The following NDST4 variants were observed in gnomAD, a reference collection of about 807,000 sequenced individuals.
The protein encoded by NDST4 is N-deacetylase and N-sulfotransferase 4, also known as N-heparan sulfate sulfotransferase 4.
A neutral mutation model predicts 100.8 loss-of-function variants in NDST4; 63 were observed. That is an observed-to-expected ratio of 0.62 (90% CI 0.51 to 0.77). The LOEUF is 0.77. NDST4 is among the 30% of genes least tolerant of loss of function. The pLI is 0.00. For synonymous variants in NDST4, 377 were observed against 361.8 expected, an observed-to-expected ratio of 1.04 and a Z score of -0.48; for missense variants, 943 against 1,018.4, an observed-to-expected ratio of 0.93 and a Z score of 1.01.
chr4:114,868,955 TATATATA>T (rs1724090294), intron 7 of NDST4, among the ~76,000 whole-genome samples: 1 of 148,850 alleles, frequency 6.7e-6, no homozygotes, highest in African/African-American at 2.4e-5. Context: ...TATATATATA[TATATATA>T]TATATTTCTT....
chr4:114,862,714 T>G (rs545095895), intron 7 of NDST4, among the ~76,000 whole-genome samples: 1 of 152,236 alleles, frequency 6.6e-6, no homozygotes, highest in East Asian at 1.9e-4. Flanking sequence ...ATATAAGACT[T>G]GAAAAGAGTT....
intron 2 of NDST4, among the ~76,000 whole-genome samples, chr4:115,043,574 T>G (rs1728399360): frequency 1.3e-5 from 2 of 151,988 alleles, no homozygotes; most frequent in African/African-American, 4.8e-5. Flanking sequence ...AACATAGGTT[T>G]TTAGATACGA....
At chr4:114,985,963 G>A (rs915153420) in intron 2 of NDST4, among the ~76,000 whole-genome samples, 1 of 152,108 alleles carries the variant, frequency 6.6e-6, no homozygotes, top group Non-Finnish European at 1.5e-5. Context: ...ACTTAGCGTC[G>A]TTAATTTCAA....
intron 6 of NDST4, among the ~76,000 whole-genome samples, chr4:114,923,107 T>C (rs1396408462): frequency 6.6e-6 from 1 of 152,190 alleles, no homozygotes; most frequent in Non-Finnish European, 1.5e-5. Flanking sequence ...AGCCCTGACA[T>C]GTCAAATGGA....
chr4:114,954,033 G>C (rs192623928), intron 4 of NDST4, among the ~76,000 whole-genome samples: 2 of 152,092 alleles, frequency 1.3e-5, no homozygotes, highest in East Asian at 3.9e-4. Flanking sequence ...TCCACCCTAA[G>C]ACTATTTTAC....
At chr4:114,880,928 C>G (rs997224119) in intron 6 of NDST4, among the ~76,000 whole-genome samples, 1 of 151,946 alleles carries the variant, frequency 6.6e-6, no homozygotes, top group Non-Finnish European at 1.5e-5. Flanking sequence ...GGAGTAGGAG[C>G]GGGGCTGAGA....
chr4:115,021,594 C>T (rs1477128401), intron 2 of NDST4, among the ~76,000 whole-genome samples: 3 of 90,790 alleles, frequency 3.3e-5, no homozygotes, highest in East Asian at 3.4e-4. Context: ...CATATATACA[C>T]ACGTTCCACA....
At chr4:114,976,711 A>G (rs1438206475) in intron 3 of NDST4, among the ~76,000 whole-genome samples, 1 of 151,982 alleles carries the variant, frequency 6.6e-6, no homozygotes, top group Non-Finnish European at 1.5e-5. Context: ...AAGTGAAGGT[A>G]AACTAACAAG....
chr4:114,850,080 T>A (rs2126187912), intron 8 of NDST4, among the ~76,000 whole-genome samples: 1 of 152,210 alleles, frequency 6.6e-6, no homozygotes. Flanking sequence ...AACACTTTCT[T>A]AAGGGGGGTG....
chr4:114,871,799 AT>A lies in NDST4; in HGVS notation c.1537-850del, dbSNP rs1365054344. On this transcript the variant is annotated intron_variant, in intron 6 of 13. Coordinates refer to ENST00000264363, the MANE Select transcript of NDST4 (RefSeq NM_022569.3). ...TTTCTCAATTTCATGATATTTTCAA[AT>A]TTAATTGTCTTAAAAATTCATTTTA... 6.6e-5 allele frequency among the ~76,000 whole-genome samples: 10 copies of A among 152,162 alleles called. 1 individual carries two copies. Among genetic ancestry groups the A allele is most frequent in the Admixed American group, 4.6e-4 (7 of 15,250 alleles).
At chr4:114,951,664 A>G (rs1299707496) in intron 4 of NDST4, among the ~76,000 whole-genome samples, 1 of 152,124 alleles carries the variant, frequency 6.6e-6, no homozygotes, top group African/African-American at 2.4e-5. Context: ...TTTGAAAATT[A>G]TAGCACAGGA....
At chr4:115,014,397 TCA>T (rs760828120) in intron 2 of NDST4, among the ~76,000 whole-genome samples, 3 of 152,060 alleles carry the variant, frequency 2.0e-5, no homozygotes, top group Admixed American at 1.3e-4. Flanking sequence ...CAACAAAAGT[TCA>T]GAGGCCTTCT....
chr4:114,895,071 A>G (rs1724683825), intron 6 of NDST4, among the ~76,000 whole-genome samples: 2 of 152,182 alleles, frequency 1.3e-5, no homozygotes, highest in Admixed American at 6.5e-5. Context: ...ATTCACAGTT[A>G]AAAGAGCTAG....
chr4:115,058,828 A>T (rs1728755318), intron 2 of NDST4, among the ~76,000 whole-genome samples: 1 of 152,090 alleles, frequency 6.6e-6, no homozygotes, highest in South Asian at 2.1e-4. Flanking sequence ...ATTATTTTTT[A>T]AAAGGTAGAG....
At chr4:115,061,171 G>T (rs1224874597) in intron 2 of NDST4, among the ~76,000 whole-genome samples, 1 of 152,204 alleles carries the variant, frequency 6.6e-6, no homozygotes, top group East Asian at 1.9e-4. Context: ...TTACACTGTT[G>T]GTGGGAGTGT....
At chr4:115,022,818 C>T (rs1727887873) in intron 2 of NDST4, among the ~76,000 whole-genome samples, 1 of 152,054 alleles carries the variant, frequency 6.6e-6, no homozygotes, top group African/African-American at 2.4e-5. Context: ...ATAGGAATTT[C>T]CCTGCACAAG....
intron 2 of NDST4, among the ~76,000 whole-genome samples, chr4:115,013,346 C>CAT (rs200801455): frequency 0.04 from 2,617 of 65,334 alleles, 198 homozygotes; most frequent in East Asian, 0.098. Flanking sequence ...ATATAAATAC[C>CAT]ATATATATAT....
chr4:114,970,433 T>A lies in NDST4; in HGVS notation c.1218A>T (p.Ala406=). The change falls in exon 4 of 14, where the codon GCA becomes GCT. Residue 406 remains alanine, a synonymous_variant. Coordinates refer to ENST00000264363, the MANE Select transcript of NDST4 (RefSeq NM_022569.3). ...VEQMILNKEF[A]LEHGIPINMG... ...TACCACAATAAAATGTGCTCACCAG[T>A]GCAAATTCCTTGTTGAGAATCATCT... is the stretch of plus-strand genomic sequence containing the variant. 8 of 1,613,158 alleles carry A rather than the reference T, an allele frequency of 5.0e-6. No homozygotes were observed. The highest frequency in any genetic ancestry group is 6.8e-6 in the Non-Finnish European group (8 of 1,179,454).
chr4:115,019,611 T>C (rs1727764508), intron 2 of NDST4, among the ~76,000 whole-genome samples: 2 of 152,124 alleles, frequency 1.3e-5, no homozygotes, highest in South Asian at 2.1e-4. Flanking sequence ...GCATAAAATG[T>C]AAAAGTTTTA....
Sources: gnomAD v4.1 joint callset for allele counts (sites outside exome capture counted in the v4.1 genomes callset) on GRCh38, gnomAD v4.1.1 for gene constraint, MANE v1.5 for transcripts, NCBI Gene and HGNC (gene_info 2026-07-23, HGNC 2026-07-21) for gene names.